Variants in ZBTB20 observed in about 807,000 individuals in gnomAD.
The protein encoded by ZBTB20 is zinc finger and BTB domain containing 20, also known as zinc finger and BTB domain-containing protein 20.
A neutral mutation model predicts 56.9 loss-of-function variants in ZBTB20; 9 were observed. The ratio of observed to expected loss-of-function variants is 0.16; its 90% CI spans 0.10 to 0.28. The LOEUF is 0.28. Ranked by LOEUF, ZBTB20 falls within the 10% of genes least tolerant of loss-of-function variation. The pLI, the probability that ZBTB20 is intolerant of heterozygous loss-of-function variation, is 1.00. For synonymous variants in ZBTB20, 417 were observed against 420.7 expected (o/e 0.99, Z 0.11); for missense variants, 655 against 1,003.0 (o/e 0.65, Z 4.69).
Position 114,323,212 on chromosome 3 carries a change from A to T in ZBTB20, c.*15793T>A, listed in dbSNP as rs1481276621. 1.3e-5 allele frequency: 2 copies of T among 152,240 alleles called. No individual in the cohort carries two copies. The highest frequency in any genetic ancestry group is 4.8e-5 in the African/African-American group (2 of 41,462). The allele number at this position is 152,240 out of a possible 1,614,324, so 9.4% of individuals were successfully genotyped here. A position where few individuals can be genotyped will look rare whatever the true frequency, so the allele number is the denominator to read the frequency against. On this transcript the variant is annotated 3_prime_UTR_variant, in exon 12 of 12. Coordinates refer to ENST00000675478, the MANE Select transcript of ZBTB20 (RefSeq NM_001348800.3). The stretch of plus-strand genomic sequence containing the variant: ...ACAAAGAAAAGTTAGGAAAAAACCA[A>T]TTTCAAAACTAAACTTTTAGGCACT...
At chr3:114,511,206 G>C (rs1454499682) in intron 6 of ZBTB20, among the ~76,000 whole-genome samples, 1 of 151,974 alleles carries the variant, frequency 6.6e-6, no homozygotes, top group Non-Finnish European at 1.5e-5. Flanking sequence ...TAAATGTAAG[G>C]CTCTGCTAAG....
At chr3:114,786,016 G>C (rs1239315733) in intron 5 of ZBTB20, among the ~76,000 whole-genome samples, 5 of 151,628 alleles carry the variant, frequency 3.3e-5, no homozygotes, top group African/African-American at 1.2e-4. Flanking sequence ...TTAATTTTAA[G>C]TTCTGGGATA....
At chr3:114,773,059 T>G (rs116487058) in intron 5 of ZBTB20, among the ~76,000 whole-genome samples, 1 of 152,172 alleles carries the variant, frequency 6.6e-6, no homozygotes, top group Non-Finnish European at 1.5e-5. Flanking sequence ...ACAGCACACA[T>G]GCAAGGATCT....
chr3:114,719,398 G>C (rs2064750295), intron 5 of ZBTB20, among the ~76,000 whole-genome samples: 3 of 152,100 alleles, frequency 2.0e-5, no homozygotes, highest in African/African-American at 7.2e-5. Context: ...CACAAAGCTA[G>C]CTGGAGCGGA....
At chr3:114,470,203 CTA>C (rs2039969381) in intron 7 of ZBTB20, among the ~76,000 whole-genome samples, 1 of 152,070 alleles carries the variant, frequency 6.6e-6, no homozygotes, top group African/African-American at 2.4e-5. Flanking sequence ...TCAGATTACC[CTA>C]TGTTTCCCTT....
At chr3:114,971,666 A>G (rs1056019781) in intron 3 of ZBTB20, among the ~76,000 whole-genome samples, 10 of 152,216 alleles carry the variant, frequency 6.6e-5, no homozygotes, top group Admixed American at 6.5e-4. Context: ...TAACTGGTGT[A>G]TGAGAAGAAT....
intron 1 of ZBTB20, among the ~76,000 whole-genome samples, chr3:115,085,805 T>C (rs2082964582): frequency 6.6e-6 from 1 of 151,934 alleles, no homozygotes; most frequent in Non-Finnish European, 1.5e-5. Context: ...TTTCACCACA[T>C]GAAATATGAT....
At chr3:114,673,373 T>C (rs1446188847) in intron 6 of ZBTB20, among the ~76,000 whole-genome samples, 1 of 152,150 alleles carries the variant, frequency 6.6e-6, no homozygotes, top group Non-Finnish European at 1.5e-5. Context: ...ATTTACTGTG[T>C]GTAAAATGCC....
chr3:115,031,031 A>C (rs1223192707), intron 2 of ZBTB20, among the ~76,000 whole-genome samples: 2 of 151,436 alleles, frequency 1.3e-5, no homozygotes, highest in Non-Finnish European at 3.0e-5. Context: ...ATCCCTTCAT[A>C]ATTTTCTAAG....
At chr3:114,570,938 G>T (rs1031192932) in intron 6 of ZBTB20, among the ~76,000 whole-genome samples, 20 of 152,004 alleles carry the variant, frequency 1.3e-4, no homozygotes, top group African/African-American at 4.1e-4. Flanking sequence ...ATATTTGTAA[G>T]GTATGATTTA....
rs188790136 is a variant in ZBTB20 at position 114,522,238 on chromosome 3, C to A, written c.-294-21847G>T. 6.6e-5 allele frequency among the ~76,000 whole-genome samples: 10 copies of A among 152,194 alleles called. No individual in the cohort carries two copies. In the East Asian group the frequency reaches 1.9e-3, roughly 29 times the overall value. ...TGAGCAAAGACCTGAAGATGATAAGCAAACAAGCCTTATCTGGGGAAAACA... is the reference window on the plus strand; with the variant it reads ...TGAGCAAAGACCTGAAGATGATAAGAAAACAAGCCTTATCTGGGGAAAACA... On this transcript the variant is annotated intron_variant, in intron 6 of 11. Transcript: ENST00000675478.
At chr3:114,809,536 T>A (rs1484549753) in intron 4 of ZBTB20, among the ~76,000 whole-genome samples, 1 of 152,146 alleles carries the variant, frequency 6.6e-6, no homozygotes, top group Non-Finnish European at 1.5e-5. Flanking sequence ...CACTTATGTT[T>A]ATATTGATAC....
At chr3:114,680,575 A>T (rs181887199) in intron 6 of ZBTB20, among the ~76,000 whole-genome samples, 1 of 152,356 alleles carries the variant, frequency 6.6e-6, no homozygotes, top group African/African-American at 2.4e-5. Flanking sequence ...CTATTAGATA[A>T]ATAAGATAGA....
In ZBTB20 at chr3:114,481,512, G is replaced by A. The variant is rs190560771; in HGVS notation, c.-255+18840C>T. ...CCTCCCCGATTTGCTTGCTAAATCCGTATTCATTCCTGAAGATCCAGATCA... is the reference window on the plus strand; with the variant it reads ...CCTCCCCGATTTGCTTGCTAAATCCATATTCATTCCTGAAGATCCAGATCA... On this transcript the variant is annotated intron_variant, in intron 7 of 11. Transcript: ENST00000675478. 1.5e-3 allele frequency among the ~76,000 whole-genome samples: 231 copies of A among 151,736 alleles called. 4 individuals carry two copies. Among genetic ancestry groups the A allele is most frequent in the African/African-American group, 5.5e-3 (226 of 41,436 alleles).
At chr3:114,780,078 C>G (rs1338796639) in intron 5 of ZBTB20, among the ~76,000 whole-genome samples, 1 of 152,100 alleles carries the variant, frequency 6.6e-6, no homozygotes, top group Non-Finnish European at 1.5e-5. Flanking sequence ...GACTTTAAAT[C>G]CTGAATAAAA....
rs148728316 is a variant in ZBTB20 at position 114,936,634 on chromosome 3, C to G, written c.-455-36292G>C. On this transcript the variant is annotated intron_variant, in intron 3 of 11. Coordinates refer to ENST00000675478, the MANE Select transcript of ZBTB20 (RefSeq NM_001348800.3). The stretch of plus-strand genomic sequence containing the variant: ...TAATAGATATAAATGGAAAACAAAG[C>G]ATGTGCAATCTCACTAGTGATGAAG... Among the ~76,000 whole-genome samples, 747 of 152,172 alleles carry G rather than the reference C, an allele frequency of 4.9e-3. 4 individuals carry two copies. The highest frequency in any genetic ancestry group is 7.7e-3 in the Non-Finnish European group (527 of 68,002).
chr3:114,529,475 C>T (rs367596277), intron 6 of ZBTB20: 2 of 152,162 alleles, frequency 1.3e-5, no homozygotes, highest in South Asian at 2.1e-4. Context: ...CTCTCCGAGA[C>T]ATTATGTCTC....
intron 3 of ZBTB20, among the ~76,000 whole-genome samples, chr3:114,939,239 G>A (rs899387199): frequency 6.8e-6 from 1 of 146,258 alleles, no homozygotes; most frequent in Non-Finnish European, 1.5e-5. Flanking sequence ...TAATGATAAA[G>A]AGCTTTATGA....
chr3:114,716,446 T>C (rs769412687), intron 5 of ZBTB20, among the ~76,000 whole-genome samples: 8 of 152,176 alleles, frequency 5.3e-5, no homozygotes, highest in South Asian at 4.1e-4. Flanking sequence ...TGCACCCAGA[T>C]TGAAATATCA....
Sources: gnomAD v4.1 joint callset for allele counts (sites outside exome capture counted in the v4.1 genomes callset) on GRCh38, gnomAD v4.1.1 for gene constraint, MANE v1.5 for transcripts, NCBI Gene and HGNC (gene_info 2026-07-23, HGNC 2026-07-21) for gene names.